LGR5: variants seen among roughly 807,000 people sequenced by gnomAD.
LGR5 encodes leucine rich repeat containing G protein-coupled receptor 5, also known as leucine-rich repeat-containing G protein-coupled receptor 5.
A neutral mutation model predicts 76.7 loss-of-function variants in LGR5; 54 were observed. That is an observed-to-expected ratio of 0.70 (90% CI 0.57 to 0.88). The LOEUF (loss-of-function observed/expected upper bound fraction) is 0.88, where lower values mean the gene tolerates loss of function less well. Ranked by LOEUF, LGR5 falls within the 40% of genes least tolerant of loss-of-function variation. LGR5 has a pLI of 0.00. For synonymous variants in LGR5, 406 were observed against 421.9 expected (o/e 0.96, Z 0.46); for missense variants, 1,078 against 1,073.3 (o/e 1.00, Z -0.06).
At chr12:71,468,285 T>A (rs1004164382) in intron 1 of LGR5, among the ~76,000 whole-genome samples, 5 of 152,146 alleles carry the variant, frequency 3.3e-5, no homozygotes, top group Non-Finnish European at 5.9e-5. Flanking sequence ...TGATAAAAAA[T>A]AACAAGCTGT....
intron 4 of LGR5, 93 bp from the exon 5 acceptor site, chr12:71,552,980 T>G: frequency 3.5e-6 from 4 of 1,142,348 alleles, no homozygotes; most frequent in Non-Finnish European, 5.2e-6. Flanking sequence ...TGTTCCACTC[T>G]TGTTCATCAT....
At chr12:71,477,283 A>G (rs1873378296) in intron 1 of LGR5, among the ~76,000 whole-genome samples, 1 of 152,108 alleles carries the variant, frequency 6.6e-6, no homozygotes. Flanking sequence ...ATCTGAAGAC[A>G]GTGACCCCTG....
At chr12:71,552,042 C>T (rs1012589617) in intron 4 of LGR5, among the ~76,000 whole-genome samples, 2 of 150,768 alleles carry the variant, frequency 1.3e-5, no homozygotes, top group Non-Finnish European at 2.9e-5. Flanking sequence ...AGTGAGAACA[C>T]GTGGACACAG....
At chr12:71,478,784 A>G (rs1242771493) in intron 1 of LGR5, among the ~76,000 whole-genome samples, 1 of 152,188 alleles carries the variant, frequency 6.6e-6, no homozygotes, top group Non-Finnish European at 1.5e-5. Flanking sequence ...CTTTTGGAGA[A>G]TTACATTTCT....
chr12:71,571,851 G>C (rs1267422510), intron 12 of LGR5, among the ~76,000 whole-genome samples: 1 of 152,134 alleles, frequency 6.6e-6, no homozygotes, highest in Non-Finnish European at 1.5e-5. Context: ...AATTGGGTGT[G>C]TTTGGGCTTT....
rs138302571 is a variant in LGR5, at chr12:71,474,581, C to T, written c.213-30033C>T. Among the ~76,000 whole-genome samples the T allele has an allele frequency of 1.4e-3, 217 of 152,220 alleles. 1 individual carries two copies. The highest frequency in any genetic ancestry group is 4.9e-3 in the African/African-American group (204 of 41,530). On this transcript the variant is annotated intron_variant, in intron 1 of 17. Coordinates refer to ENST00000266674, the MANE Select transcript of LGR5 (RefSeq NM_003667.4). The stretch of plus-strand genomic sequence containing the variant: ...TATTTTGGTATTTAAAGTTTATAAA[C>T]GGATGGTTTAGTTCCCCAATCTTTT...
At chr12:71,573,653 A>G (rs1291246878) in intron 13 of LGR5, among the ~76,000 whole-genome samples, 1 of 152,220 alleles carries the variant, frequency 6.6e-6, no homozygotes, top group Non-Finnish European at 1.5e-5. Context: ...AAACTATAGT[A>G]CGTTTGTTAA....
intron 1 of LGR5, among the ~76,000 whole-genome samples, chr12:71,487,745 C>T: frequency 6.6e-6 from 1 of 152,156 alleles, no homozygotes; most frequent in East Asian, 1.9e-4. Flanking sequence ...GTCATGTTTT[C>T]ATGTCGTATC....
intron 4 of LGR5, among the ~76,000 whole-genome samples, chr12:71,552,344 C>T (rs1461765763): frequency 1.3e-5 from 2 of 152,098 alleles, no homozygotes; most frequent in East Asian, 1.9e-4. Context: ...GTGGGCAGAT[C>T]GCATGAGGTC....
chr12:71,544,744 C>CA (rs1877068664), intron 4 of LGR5, among the ~76,000 whole-genome samples: 1 of 152,040 alleles, frequency 6.6e-6, no homozygotes, highest in South Asian at 2.1e-4. Flanking sequence ...TTTATCACAA[C>CA]AAAAAATGTA....
At chr12:71,501,570 G>T (rs1401989784) in intron 1 of LGR5, among the ~76,000 whole-genome samples, 1 of 152,154 alleles carries the variant, frequency 6.6e-6, no homozygotes, top group Non-Finnish European at 1.5e-5. Context: ...GAGGAGCATC[G>T]CTCACCAAAG....
intron 9 of LGR5, 39 bp downstream of exon 9, chr12:71,566,514 C>T: frequency 1.9e-6 from 3 of 1,550,272 alleles, no homozygotes; most frequent in South Asian, 2.2e-5. Context: ...TTTCCCTCTA[C>T]AGGGTTGCTG....
rs1879132006 is a variant in LGR5 at position 71,582,451 on chromosome 12, T to C, written c.1553-5T>C. The C allele has an allele frequency of 1.2e-6, 2 of 1,613,440 alleles. No individual in the cohort carries two copies. The highest frequency in any genetic ancestry group is 2.7e-5 in the African/African-American group (2 of 74,930). ...CTAATCATTCCAGGACTTCTTGTGCTGCAGATGAACGTGACCTTGAAGATT... is the reference window on the plus strand; with the variant it reads ...CTAATCATTCCAGGACTTCTTGTGCCGCAGATGAACGTGACCTTGAAGATT... On this transcript the variant is annotated splice_polypyrimidine_tract_variant and splice_region_variant and intron_variant, in intron 16 of 17. Transcript: ENST00000266674.
At chr12:71,545,974 C>T (rs1209445697) in intron 4 of LGR5, among the ~76,000 whole-genome samples, 1 of 152,048 alleles carries the variant, frequency 6.6e-6, no homozygotes, top group African/African-American at 2.4e-5. Flanking sequence ...AGGAAGAAAA[C>T]TTTAAACACA....
At chr12:71,495,408 T>C (rs1449525836) in intron 1 of LGR5, among the ~76,000 whole-genome samples, 1 of 151,286 alleles carries the variant, frequency 6.6e-6, no homozygotes, top group African/African-American at 2.5e-5. Flanking sequence ...ACATAAACAT[T>C]TACCAGAAAC....
chr12:71,558,366 C>T (rs1412298036), intron 6 of LGR5, among the ~76,000 whole-genome samples: 1 of 151,926 alleles, frequency 6.6e-6, no homozygotes, highest in Non-Finnish European at 1.5e-5. Flanking sequence ...TAGAGCAAAA[C>T]ATGTCAGGGA....
chr12:71,494,835 A>G (rs1874239953), intron 1 of LGR5, among the ~76,000 whole-genome samples: 2 of 151,276 alleles, frequency 1.3e-5, no homozygotes, highest in Non-Finnish European at 1.5e-5. Flanking sequence ...AGTGCACTAG[A>G]CTGGACCTAG....
chr12:71,582,961 G>A (rs867441891), intron 17 of LGR5, among the ~76,000 whole-genome samples: 8 of 131,414 alleles, frequency 6.1e-5, no homozygotes, highest in East Asian at 2.4e-4. Context: ...AGGAAGGAAG[G>A]AAGAAAGGAA....
chr12:71,460,413 C>T (rs1872640861), intron 1 of LGR5, among the ~76,000 whole-genome samples: 2 of 152,094 alleles, frequency 1.3e-5, no homozygotes, highest in African/African-American at 2.4e-5. Flanking sequence ...TTCAAGTTTT[C>T]CTTCACAGCA....
Sources: allele counts gnomAD v4.1 joint callset (sites outside exome capture counted in the v4.1 genomes callset), GRCh38; gene constraint gnomAD v4.1.1; transcripts MANE v1.5; gene names NCBI Gene and HGNC (gene_info 2026-07-23, HGNC 2026-07-21).